The following KAT2B variants were observed in gnomAD, a reference collection of about 807,000 sequenced individuals.
KAT2B encodes histone acetyltransferase KAT2B.
KAT2B carries 36 observed loss-of-function variants against 105.9 expected under a neutral mutation model. That is an observed-to-expected ratio of 0.34 (90% confidence interval 0.26 to 0.45). The LOEUF (loss-of-function observed/expected upper bound fraction) is 0.45, where lower values mean the gene tolerates loss of function less well. KAT2B is among the 20% of genes least tolerant of loss of function. The pLI is 1.00. For synonymous variants in KAT2B, 397 were observed against 377.9 expected (o/e 1.05, Z -0.59); for missense variants, 820 against 1,021.6 (o/e 0.80, Z 2.69).
At chr3:20,075,783 T>C (rs1189379909) in intron 2 of KAT2B, among the ~76,000 whole-genome samples, 2 of 151,746 alleles carry the variant, frequency 1.3e-5, no homozygotes, top group Non-Finnish European at 2.9e-5. Flanking sequence ...CCTGGAAGCT[T>C]GAGCCTGTAA....
rs1197922755 is a variant in KAT2B at position 20,111,584 on chromosome 3, C to T, written c.852-12C>T. 1 of 1,600,942 alleles carries T rather than the reference C, an allele frequency of 6.2e-7. No individual in the cohort carries two copies. Among genetic ancestry groups the T allele is most frequent in the Non-Finnish European group, 8.5e-7 (1 of 1,173,262 alleles). Reference sequence around the variant, plus strand: ...ATGGGATATTGATGGTGCTTGACTTCTCTTGTCACAGGTGGCTGTGTTACT... The same window carrying T: ...ATGGGATATTGATGGTGCTTGACTTTTCTTGTCACAGGTGGCTGTGTTACT... On this transcript the variant is annotated splice_polypyrimidine_tract_variant and intron_variant, in intron 5 of 17. Transcript: ENST00000263754.
chr3:20,048,721 A>G (rs533076365), intron 1 of KAT2B, among the ~76,000 whole-genome samples: 2 of 152,302 alleles, frequency 1.3e-5, no homozygotes, highest in South Asian at 2.1e-4. Flanking sequence ...AAAATTGTCA[A>G]CAGTTTCCTA....
rs1461539626 is a variant in KAT2B, at chr3:20,084,910, G to A, written c.431-10353G>A. Reference sequence around the variant, plus strand: ...GAAAAAGTAAGCTACTATTTCAAAAGTAAATCATGGCATGTACTTCCATGA... The same window carrying A: ...GAAAAAGTAAGCTACTATTTCAAAAATAAATCATGGCATGTACTTCCATGA... On this transcript the variant is annotated intron_variant, in intron 2 of 17. Coordinates refer to ENST00000263754, the MANE Select transcript of KAT2B (RefSeq NM_003884.5). 3.9e-5 allele frequency among the ~76,000 whole-genome samples: 6 copies of A among 152,292 alleles called. No individual in the cohort carries two copies. In the East Asian group the frequency reaches 1.2e-3, roughly 29 times the overall value.
chr3:20,121,732 ATG>A (rs3840188), intron 8 of KAT2B, among the ~76,000 whole-genome samples: 7,000 of 109,380 alleles, frequency 0.064, 196 homozygotes, highest in African/African-American at 0.095. Flanking sequence ...ACATATGCAT[ATG>A]TGTGTGTGTG....
chr3:20,071,523 A>AGG (rs1386880102), intron 1 of KAT2B, among the ~76,000 whole-genome samples: 1 of 152,230 alleles, frequency 6.6e-6, no homozygotes, highest in Non-Finnish European at 1.5e-5. Context: ...CTGCTGAAGC[A>AGG]TACAGTGTGG....
chr3:20,117,718 T>A (rs1275746718), intron 7 of KAT2B, among the ~76,000 whole-genome samples: 1 of 152,184 alleles, frequency 6.6e-6, no homozygotes, highest in African/African-American at 2.4e-5. Context: ...TAGATGAACG[T>A]TCTCTCTGAC....
intron 5 of KAT2B, among the ~76,000 whole-genome samples, chr3:20,105,608 C>T (rs1328188152): frequency 6.6e-6 from 1 of 151,828 alleles, no homozygotes; most frequent in African/African-American, 2.4e-5. Context: ...GAGACTTCAT[C>T]TCTACAAAAA....
intron 1 of KAT2B, among the ~76,000 whole-genome samples, chr3:20,059,210 C>A (rs1049407837): frequency 6.6e-6 from 1 of 151,032 alleles, no homozygotes; most frequent in African/African-American, 2.4e-5. Flanking sequence ...GTCGGGAGTT[C>A]GAGACCAGCC....
intron 11 of KAT2B, among the ~76,000 whole-genome samples, chr3:20,132,462 C>A (rs1032964779): frequency 6.6e-6 from 1 of 152,142 alleles, no homozygotes. Context: ...TTTAAATAAA[C>A]ACTGAAGTTA....
chr3:20,120,333 C>T (rs1699285808), intron 8 of KAT2B, among the ~76,000 whole-genome samples: 1 of 151,942 alleles, frequency 6.6e-6, no homozygotes, highest in Non-Finnish European at 1.5e-5. Context: ...GTTTAAGTGA[C>T]TCTCCTGCCT....
chr3:20,063,354 T>G (rs927559521), intron 1 of KAT2B, among the ~76,000 whole-genome samples: 4 of 151,384 alleles, frequency 2.6e-5, no homozygotes, highest in African/African-American at 9.7e-5. Flanking sequence ...GCCTGTGCTT[T>G]TGGTATTATA....
intron 2 of KAT2B, among the ~76,000 whole-genome samples, chr3:20,075,248 T>G (rs1698396920): frequency 6.6e-6 from 1 of 151,930 alleles, no homozygotes; most frequent in African/African-American, 2.4e-5. Flanking sequence ...TGAGCGATAT[T>G]GCGAGACTCT....
At chr3:20,101,101 A>G in intron 4 of KAT2B, 186 bp from the exon 5 acceptor site, 1 of 577,010 alleles carries the variant, frequency 1.7e-6, no homozygotes, top group Non-Finnish European at 3.1e-6. Context: ...CTTTTCATCC[A>G]CCGTGATCTG....
intron 2 of KAT2B, among the ~76,000 whole-genome samples, chr3:20,076,771 C>G (rs1454342505): frequency 6.6e-6 from 1 of 152,142 alleles, no homozygotes; most frequent in Non-Finnish European, 1.5e-5. Flanking sequence ...AAGTTGGGGT[C>G]TAGGGAATTC....
At chr3:20,129,356 A>G (rs1182609303) in intron 11 of KAT2B, among the ~76,000 whole-genome samples, 4 of 149,778 alleles carry the variant, frequency 2.7e-5, no homozygotes, top group East Asian at 2.0e-4. Flanking sequence ...TTTACATTAC[A>G]TTCTTTGTTC....
At chr3:20,125,050 G>A (rs959746149) in intron 9 of KAT2B, among the ~76,000 whole-genome samples, 28 of 152,182 alleles carry the variant, frequency 1.8e-4, no homozygotes, top group African/African-American at 6.5e-4. Context: ...GAGGCCGGGC[G>A]CGGTGGCTCA....
chr3:20,151,615 A>C (rs1289687662), intron 17 of KAT2B, among the ~76,000 whole-genome samples: 2 of 152,190 alleles, frequency 1.3e-5, no homozygotes, highest in Non-Finnish European at 2.9e-5. Context: ...GGATTGAAGA[A>C]ACCCTACTTT....
At chr3:20,040,811 G>T (rs770736546) in intron 1 of KAT2B, 31 bp downstream of exon 1, 40 of 1,554,930 alleles carry the variant, frequency 2.6e-5, no homozygotes, top group Non-Finnish European at 3.5e-6. Context: ...GACCGCGGAT[G>T]GGTGCTAGGG....
chr3:20,117,516 C>T (rs563065382), intron 7 of KAT2B, among the ~76,000 whole-genome samples: 1 of 152,308 alleles, frequency 6.6e-6, no homozygotes, highest in South Asian at 2.1e-4. Flanking sequence ...CTTTGAAATT[C>T]AGAAGGCCTA....
Sources: allele counts gnomAD v4.1 joint callset (sites outside exome capture counted in the v4.1 genomes callset), GRCh38; gene constraint gnomAD v4.1.1; transcripts MANE v1.5; gene names NCBI Gene and HGNC (gene_info 2026-07-23, HGNC 2026-07-21).